Variants in CENPI observed in about 807,000 individuals in gnomAD.
The protein encoded by CENPI is centromere protein I.
In CENPI, 4 loss-of-function variants were observed where a neutral mutation model predicts 60.4. The ratio of observed to expected loss-of-function variants is 0.07; its 90% CI spans 0.03 to 0.15. The LOEUF (loss-of-function observed/expected upper bound fraction) is 0.15, where lower values mean the gene tolerates loss of function less well. CENPI is among the 10% of genes least tolerant of loss of function. The probability of loss-of-function intolerance (pLI) is 1.00; values close to 1 mark genes in which losing one functional copy is unlikely to be tolerated. For missense variants in CENPI, 444 were observed against 534.5 expected (o/e 0.83, Z 1.67); for synonymous variants, 157 against 189.4 (o/e 0.83, Z 1.40).
At chrX:101,121,388 T>G (rs2089676661) in intron 8 of CENPI, among the ~76,000 whole-genome samples, 1 of 110,649 alleles carries the variant, frequency 9.0e-6, no homozygotes, top group Admixed American at 9.7e-5. Flanking sequence ...CCTCCTGGGT[T>G]CAAGCAATTC....
the CENPI span, among the ~76,000 whole-genome samples, chrX:101,171,146 G>A: frequency 2.1e-4 from 23 of 112,037 alleles, no homozygotes; most frequent in Non-Finnish European, 4.3e-4. Flanking sequence ...CTGGCATAAG[G>A]GTAGACACAG....
chrX:101,135,624 G>C lies in CENPI; in HGVS notation c.1470+3168G>C, dbSNP rs376047314. On this transcript the variant is annotated intron_variant, in intron 15 of 21. Transcript: ENST00000682095. ...TTTTAGCAGTAGCTTGACTAATGAG[G>C]TTCTTTCTGTAGCTCACAAATTATT... Among the ~76,000 whole-genome samples, 19 of 112,338 alleles carry C rather than the reference G, an allele frequency of 1.7e-4. No individual in the cohort carries two copies. The East Asian group carries it at 4.7e-3, about 28-fold the overall frequency.
At chrX:101,170,551 A>T (rs2090154442), downstream of CENPI, among the ~76,000 whole-genome samples, 1 of 112,378 alleles carries the variant, frequency 8.9e-6, no homozygotes. Context: ...TAATAAATGC[A>T]AATATATCCT....
In CENPI at chrX:101,165,156, A is replaced by G. The variant is rs1332226940; in HGVS notation, c.*2189A>G. ...ATAAGGAAGAAAGCCAGGTCCTTAT[A>G]GCCTGGCATGGATATGTAAATGGGA... On this transcript the variant is annotated 3_prime_UTR_variant, in exon 22 of 22. Coordinates refer to ENST00000682095, the MANE Select transcript of CENPI (RefSeq NM_001386188.2). Among the ~76,000 whole-genome samples, 1 of 112,407 alleles carries G rather than the reference A, an allele frequency of 8.9e-6. No individual in the cohort carries two copies. The highest frequency in any genetic ancestry group is 1.9e-5 in the Non-Finnish European group (1 of 53,298).
intron 8 of CENPI, 91 bp downstream of exon 8, chrX:101,120,875 T>TA: frequency 1.6e-5 from 10 of 626,646 alleles, no homozygotes; most frequent in South Asian, 3.1e-5. Flanking sequence ...TAACTCTTGA[T>TA]CTTTTTTTTT....
intron 21 of CENPI, 141 bp downstream of exon 21, chrX:101,161,710 T>C (rs1174624694): frequency 3.9e-6 from 2 of 508,937 alleles, no homozygotes; most frequent in Admixed American, 6.9e-5. Flanking sequence ...TCCAAATTCA[T>C]TCCAGTGACT....
rs1245361267 is a variant in CENPI at position 101,109,793 on chromosome X, T to G, written c.484-98T>G. 3 of 632,585 alleles carry G rather than the reference T, an allele frequency of 4.7e-6. No individual in the cohort carries two copies. In the East Asian group the frequency reaches 9.9e-5, roughly 21 times the overall value. The allele number at this position is 632,585 out of a possible 1,213,427, so 52.1% of individuals were successfully genotyped here. ...TATTATTCTACTTTGTGCCTGAAGCTTCTAAAATAGCCCTGGTGGCGGGGG... is the reference window on the plus strand; with the variant it reads ...TATTATTCTACTTTGTGCCTGAAGCGTCTAAAATAGCCCTGGTGGCGGGGG... On this transcript the variant is annotated intron_variant, in intron 5 of 21. Transcript: ENST00000682095.
chrX:101,107,924 G>C (rs1253548707), intron 4 of CENPI, among the ~76,000 whole-genome samples: 1 of 93,421 alleles, frequency 1.1e-5, no homozygotes. Context: ...GCCTAATTTT[G>C]TATTTTTTTT....
chrX:101,175,727 CTG>C, the CENPI span, among the ~76,000 whole-genome samples: 1 of 111,725 alleles, frequency 9.0e-6, no homozygotes. Flanking sequence ...CATGTATAGA[CTG>C]TATAATGATC....
rs1011269009 is a variant in CENPI at position 101,166,004 on chromosome X, G to T, written c.*3037G>T. 2.7e-5 allele frequency among the ~76,000 whole-genome samples: 3 copies of T among 111,895 alleles called. No individual in the cohort carries two copies. The Admixed American group carries it at 2.9e-4, about 11-fold the overall frequency. On this transcript the variant is annotated 3_prime_UTR_variant, in exon 22 of 22. Transcript: ENST00000682095. ...GGGAGTTGATTATTTTATCATTAAA[G>T]AAACTTTTCTAAACTTAAATTTATG...
chrX:101,123,007 G>A (rs1015390091), intron 8 of CENPI, among the ~76,000 whole-genome samples: 12 of 112,642 alleles, frequency 1.1e-4, no homozygotes, highest in Admixed American at 3.8e-4. Context: ...TAAATGTCTG[G>A]TTTCATTACT....
downstream of CENPI, among the ~76,000 whole-genome samples, chrX:101,170,964 A>G (rs1291064783): frequency 4.5e-5 from 5 of 112,008 alleles, no homozygotes; most frequent in Non-Finnish European, 7.5e-5. Flanking sequence ...CCCAACTGGC[A>G]TTTTACAGAA....
Position 101,108,992 on chromosome X carries a change from A to G in CENPI, c.365-481A>G, listed in dbSNP as rs146276044. On this transcript the variant is annotated intron_variant, in intron 4 of 21. Coordinates refer to ENST00000682095, the MANE Select transcript of CENPI (RefSeq NM_001386188.2). ...TAGTTAAAGGTACATTTTTGTTTTGAACAATTTATTAATAATGATAAGAGA... is the reference window on the plus strand; with the variant it reads ...TAGTTAAAGGTACATTTTTGTTTTGGACAATTTATTAATAATGATAAGAGA... 7.2e-3 allele frequency among the ~76,000 whole-genome samples: 786 copies of G among 109,786 alleles called. 10 individuals are homozygous for G. Among genetic ancestry groups the G allele is most frequent in the African/African-American group, 0.025 (748 of 30,192 alleles).
At chrX:101,124,932 G>C (rs1046090963) in intron 8 of CENPI, among the ~76,000 whole-genome samples, 1 of 111,433 alleles carries the variant, frequency 9.0e-6, no homozygotes, top group African/African-American at 3.3e-5. Context: ...ATCATCACAG[G>C]GTGTAAACCT....
At chrX:101,130,124 A>G (rs1268103128) in intron 13 of CENPI, 51 bp downstream of exon 13, 9 of 916,471 alleles carry the variant, frequency 9.8e-6, no homozygotes, top group Admixed American at 2.3e-5. Context: ...ACTAAAATTT[A>G]TTTAGATATC....
At chrX:101,103,075 A>G (rs1301988566) in intron 4 of CENPI, among the ~76,000 whole-genome samples, 1 of 100,593 alleles carries the variant, frequency 9.9e-6, no homozygotes, top group Non-Finnish European at 2.0e-5. Flanking sequence ...GCTCACTGCA[A>G]CCTCCACTTT....
At chrX:101,117,203 T>C (rs1235829551) in intron 6 of CENPI, among the ~76,000 whole-genome samples, 1 of 111,438 alleles carries the variant, frequency 9.0e-6, no homozygotes, top group Non-Finnish European at 1.9e-5. Context: ...GACATATATA[T>C]ATAATTTTTT....
chrX:101,127,455 T>C, intron 10 of CENPI, 43 bp from the exon 11 acceptor site: 1 of 1,063,897 alleles, frequency 9.4e-7, no homozygotes, highest in Non-Finnish European at 1.3e-6. Flanking sequence ...TGGTTTGTAG[T>C]CTGTTTAGTC....
chrX:101,174,029 C>A, the CENPI span, among the ~76,000 whole-genome samples: 35 of 111,959 alleles, frequency 3.1e-4, no homozygotes, highest in African/African-American at 1.1e-3. Context: ...AAGTGCAGAT[C>A]AAAACCACAA....
Sources: allele counts gnomAD v4.1 joint callset (sites outside exome capture counted in the v4.1 genomes callset), GRCh38; gene constraint gnomAD v4.1.1; transcripts MANE v1.5; gene names NCBI Gene and HGNC (gene_info 2026-07-23, HGNC 2026-07-21).